The following ZIM2 variants were observed in gnomAD, a reference collection of about 807,000 sequenced individuals.
ZIM2 encodes zinc finger protein 656.
ZIM2 carries 14 observed loss-of-function variants against 38.6 expected under a neutral mutation model. The observed-to-expected ratio is 0.36, with a 90% CI of 0.24 to 0.57. ZIM2 has a LOEUF of 0.57. Among genes scored for constraint, ZIM2 ranks in the 20% least tolerant of loss-of-function variants. ZIM2 has a pLI of 0.81. For synonymous variants in ZIM2, 247 were observed against 245.8 expected, an observed-to-expected ratio of 1.00 and a Z score of -0.04; for missense variants, 680 against 695.1, an observed-to-expected ratio of 0.98 and a Z score of 0.24.
At chr19:56,784,661 A>G (rs2046503011) in intron 10 of ZIM2, among the ~76,000 whole-genome samples, 1 of 152,224 alleles carries the variant, frequency 6.6e-6, no homozygotes, top group Non-Finnish European at 1.5e-5. Flanking sequence ...ACAAACCTAC[A>G]CTGGAATAAG....
At chr19:56,817,237 C>A in intron 9 of ZIM2, 27 of 1,614,106 alleles carry the variant, frequency 1.7e-5, no homozygotes, top group Non-Finnish European at 2.3e-5. Flanking sequence ...GTGAATCGAG[C>A]CCTTCCCATC....
chr19:56,822,160 C>T (rs1435791355), intron 6 of ZIM2, among the ~76,000 whole-genome samples: 2 of 152,220 alleles, frequency 1.3e-5, no homozygotes, highest in Non-Finnish European at 2.9e-5. Context: ...GTGTTGTGAA[C>T]CGTCACTAAA....
At chr19:56,812,113 CTTT>C (rs752513979) in intron 9 of ZIM2, 1 of 969,112 alleles carries the variant, frequency 1.0e-6, no homozygotes, top group Non-Finnish European at 1.2e-6. Flanking sequence ...TTTTGCAAAT[CTTT>C]TTTTTTAAAT....
intron 11 of ZIM2, 106 bp from the exon 12 acceptor site, chr19:56,779,578 T>C: frequency 9.4e-7 from 1 of 1,058,544 alleles, no homozygotes; most frequent in Non-Finnish European, 1.4e-6. Context: ...AGGAGTAAAA[T>C]GAAGCCTGTT....
At chr19:56,824,573 G>T (rs747855310) in intron 3 of ZIM2, 146 bp from the exon 4 acceptor site, 3 of 1,614,132 alleles carry the variant, frequency 1.9e-6, no homozygotes, top group Non-Finnish European at 2.5e-6. Flanking sequence ...CGGCTCCTTA[G>T]TCAAGTCACT....
In ZIM2 at chr19:56,826,419, C is replaced by G. The variant is rs190245078; in HGVS notation, c.-182G>C. 3 of 152,340 alleles carry G rather than the reference C, an allele frequency of 2.0e-5. No individual in the cohort carries two copies. Among genetic ancestry groups the G allele is most frequent in the Admixed American group, 6.5e-5 (1 of 15,300 alleles). 9.4% of individuals were successfully genotyped at this position (152,340 alleles called of 1,614,324 possible). On this transcript the variant is annotated 5_prime_UTR_variant, in exon 3 of 13. Coordinates refer to ENST00000629319, the MANE Select transcript of ZIM2 (RefSeq NM_001387356.1). ...GGGAACAGGATCCTTTCTGGAACTT[C>G]AGACCAAGCAGCTATCCACAGGAAC...
chr19:56,811,963 A>G (rs982338782), intron 9 of ZIM2: 31 of 985,170 alleles, frequency 3.1e-5, no homozygotes, highest in Non-Finnish European at 3.7e-5. Context: ...TCAGCTCTAC[A>G]ATCTTCCTAA....
chr19:56,785,228 C>T (rs1190044628), intron 10 of ZIM2, among the ~76,000 whole-genome samples: 7 of 152,166 alleles, frequency 4.6e-5, no homozygotes, highest in Non-Finnish European at 1.5e-5. Flanking sequence ...TCTCATAATC[C>T]ACCCAGACCA....
chr19:56,821,165 T>C (rs1487562635), intron 7 of ZIM2, among the ~76,000 whole-genome samples: 1 of 152,260 alleles, frequency 6.6e-6, no homozygotes, highest in African/African-American at 2.4e-5. Flanking sequence ...AATCACCATA[T>C]TCATTTTACA....
intron 10 of ZIM2, among the ~76,000 whole-genome samples, chr19:56,788,081 GTTT>G: frequency 7.0e-6 from 1 of 142,224 alleles, no homozygotes; most frequent in Middle Eastern, 3.5e-3. Context: ...TTTTTGAAGG[GTTT>G]TTTTTTTTGT....
chr19:56,840,257 G>C (rs538713355), intron 1 of ZIM2, among the ~76,000 whole-genome samples: 21 of 152,196 alleles, frequency 1.4e-4, no homozygotes, highest in African/African-American at 4.6e-4. Flanking sequence ...GGTGGCCCCC[G>C]GCCAGTCAGA....
intron 9 of ZIM2, chr19:56,815,627 T>C: frequency 6.2e-7 from 1 of 1,614,148 alleles, no homozygotes; most frequent in Non-Finnish European, 8.5e-7. Context: ...ATGTATTTCT[T>C]TTTAGCACGA....
chr19:56,817,977 G>C (rs780807331), intron 8 of ZIM2, 139 bp from the exon 9 acceptor site: 6 of 658,858 alleles, frequency 9.1e-6, no homozygotes, highest in African/African-American at 3.6e-5. Flanking sequence ...GAAGACATTT[G>C]CTGTCTCATT....
At chr19:56,833,009 G>A in intron 2 of ZIM2, 1 of 352,772 alleles carries the variant, frequency 2.8e-6, no homozygotes, top group South Asian at 2.2e-5. Flanking sequence ...AGGCATCCTT[G>A]CCAGAAGTCA....
In ZIM2 at chr19:56,775,401, T is replaced by C. The variant is rs2045946085; in HGVS notation, c.964A>G (p.Ser322Gly). 1.2e-6 allele frequency: 2 copies of C among 1,614,176 alleles called. No homozygotes were observed. Among genetic ancestry groups the C allele is most frequent in the Non-Finnish European group, 1.7e-6 (2 of 1,180,038 alleles). ...RSYGSDEFER[S>G]SNLSKQSKDP... The stretch of plus-strand genomic sequence containing the variant: ...TTTGATTGTTTACTAAGATTAGAGC[T>C]TCTCTCAAATTCATCACTGCCATAG... The change falls in exon 13 of 13, where the codon AGC (serine) becomes GGC (glycine). Residue 322 changes from serine to glycine, a missense_variant. Transcript: ENST00000629319.
chr19:56,836,131 G>C (rs940827014), intron 1 of ZIM2, 27 bp from the exon 2 acceptor site: 1 of 453,538 alleles, frequency 2.2e-6, no homozygotes, highest in Non-Finnish European at 4.5e-6. Flanking sequence ...AATGTGAGAC[G>C]CCAAGTTTAT....
At chr19:56,812,312 C>G (rs1048694540) in intron 9 of ZIM2, 1 of 982,078 alleles carries the variant, frequency 1.0e-6, no homozygotes, top group Admixed American at 6.2e-5. Context: ...ACACAACACT[C>G]AGAAATACTC....
At chr19:56,816,667 T>C (rs1170026120) in intron 9 of ZIM2, 1 of 1,614,050 alleles carries the variant, frequency 6.2e-7, no homozygotes, top group Admixed American at 1.7e-5. Context: ...TTCACGCTCA[T>C]TATCTTTGTC....
intron 9 of ZIM2, chr19:56,811,447 C>T (rs1432000507): frequency 9.2e-5 from 87 of 944,390 alleles, no homozygotes; most frequent in Non-Finnish European, 1.1e-4. Context: ...CTACATAACT[C>T]GTGATTATCA....
Sources: allele counts gnomAD v4.1 joint callset (sites outside exome capture counted in the v4.1 genomes callset), GRCh38; gene constraint gnomAD v4.1.1; transcripts MANE v1.5; gene names NCBI Gene and HGNC (gene_info 2026-07-23, HGNC 2026-07-21).